TRNAU1AP: variants seen among roughly 807,000 people sequenced by gnomAD.
The protein encoded by TRNAU1AP is tRNA selenocysteine 1 associated protein 1.
In TRNAU1AP, 33 loss-of-function variants were observed where a neutral mutation model predicts 43.3. The observed-to-expected ratio is 0.76, with a 90% confidence interval of 0.58 to 1.02. TRNAU1AP has a LOEUF of 1.02. Among genes scored for constraint, TRNAU1AP ranks in the 50% least tolerant of loss-of-function variants. TRNAU1AP has a pLI of 0.00. For synonymous variants in TRNAU1AP, 143 were observed against 129.1 expected, an observed-to-expected ratio of 1.11 and a Z score of -0.73; for missense variants, 290 against 362.7, an observed-to-expected ratio of 0.80 and a Z score of 1.63.
At chr1:28,561,038 C>T in intron 3 of TRNAU1AP, 1 of 1,346,742 alleles carries the variant, frequency 7.4e-7, no homozygotes, top group Non-Finnish European at 9.5e-7. Context: ...GACCTCTTGC[C>T]TGATTGGGAA....
rs1665658009 is a variant in TRNAU1AP at position 28,571,347 on chromosome 1, G to T, written c.693+9G>T. 6.2e-7 allele frequency: 1 copy of T among 1,613,656 alleles called. No homozygotes were observed. The highest frequency in any genetic ancestry group is 1.1e-5 in the South Asian group (1 of 91,044). ...CCCAGAGCACCATGCAGGTAACCAT[G>T]ACTTGGCAAGACTGGTCCCCTTGGG... On this transcript the variant is annotated intron_variant, in intron 7 of 8. Transcript: ENST00000373830.
chr1:28,553,326 C>A, intron 1 of TRNAU1AP, 189 bp downstream of exon 1: 1 of 748,412 alleles, frequency 1.3e-6, no homozygotes, highest in Non-Finnish European at 2.2e-6. Context: ...GGCTAGGGGT[C>A]CTGGGGCCCC....
chr1:28,573,833 A>G (rs1047092054), intron 8 of TRNAU1AP, among the ~76,000 whole-genome samples: 55 of 150,948 alleles, frequency 3.6e-4, no homozygotes, highest in Non-Finnish European at 6.9e-4. Context: ...GCTCCTTGGG[A>G]GGCTGAAGCA....
chr1:28,576,320 ATTT>A (rs879631148), intron 8 of TRNAU1AP, among the ~76,000 whole-genome samples: 4 of 137,868 alleles, frequency 2.9e-5, no homozygotes, highest in Non-Finnish European at 3.2e-5. Context: ...TGCCCAGCTA[ATTT>A]TTTTTTTTTT....
chr1:28,561,811 T>A (rs570817338), intron 4 of TRNAU1AP, among the ~76,000 whole-genome samples: 1 of 151,614 alleles, frequency 6.6e-6, no homozygotes, highest in African/African-American at 2.4e-5. Flanking sequence ...GGTGGCTCAC[T>A]CCTATAATCC....
rs1373794226 is a variant in TRNAU1AP at position 28,563,162 on chromosome 1, G to A, written c.279-1541G>A. Among the ~76,000 whole-genome samples the A allele has an allele frequency of 3.3e-5, 5 of 151,814 alleles. No homozygotes were observed. The East Asian group carries it at 9.8e-4, about 30-fold the overall frequency. On this transcript the variant is annotated intron_variant, in intron 4 of 8. Transcript: ENST00000373830. The stretch of plus-strand genomic sequence containing the variant: ...ACCTGCTTCGGTCTCCCAAAGTGCT[G>A]GGATTACAGGCATGAGCCACTGCGC...
chr1:28,556,403 G>A (rs1665265071), intron 2 of TRNAU1AP, among the ~76,000 whole-genome samples: 1 of 151,636 alleles, frequency 6.6e-6, no homozygotes, highest in East Asian at 2.0e-4. Context: ...GGTAGAGGTT[G>A]CAGTGAGCCG....
intron 5 of TRNAU1AP, among the ~76,000 whole-genome samples, chr1:28,566,171 C>G (rs1332083538): frequency 1.3e-5 from 2 of 151,290 alleles, no homozygotes; most frequent in African/African-American, 2.4e-5. Context: ...AAAAATTAAC[C>G]AGGCATGGTG....
rs548347794 is a variant in TRNAU1AP, at chr1:28,560,688, T to C, written c.181T>C (p.Cys61Arg). The change falls in exon 3 of 9, where the codon TGT (cysteine) becomes CGT (arginine). Residue 61 changes from cysteine to arginine, a missense_variant. This residue lies in a region of TRNAU1AP where 174 missense variants were observed against 262.1 expected (regional missense o/e 0.66). Transcript: ENST00000373830. ...EFADLATAEK[C>R]LHKINGKPLP... Reference sequence around the variant, plus strand: ...TGCAGATTTGGCCACAGCTGAGAAGTGTTTGCATAAAATTAATGGGAAACC... The same window carrying C: ...TGCAGATTTGGCCACAGCTGAGAAGCGTTTGCATAAAATTAATGGGAAACC... 1 of 1,614,194 alleles carries C rather than the reference T, an allele frequency of 6.2e-7. No homozygotes were observed. Among genetic ancestry groups the C allele is most frequent in the East Asian group, 2.2e-5 (1 of 44,890 alleles).
intron 5 of TRNAU1AP, among the ~76,000 whole-genome samples, chr1:28,566,569 G>A (rs987121592): frequency 6.6e-6 from 1 of 151,724 alleles, no homozygotes; most frequent in East Asian, 1.9e-4. Context: ...TGGCTAACAC[G>A]GTGAAACCCT....
chr1:28,571,390 A>C, intron 7 of TRNAU1AP, 52 bp downstream of exon 7: 1 of 1,588,584 alleles, frequency 6.3e-7, no homozygotes, highest in Non-Finnish European at 8.6e-7. Flanking sequence ...TCTCCTCTAG[A>C]AACAGGTCAT....
At chr1:28,553,507 A>C (rs1337437177) in intron 1 of TRNAU1AP, 133 bp from the exon 2 acceptor site, 5 of 804,252 alleles carry the variant, frequency 6.2e-6, no homozygotes, top group Non-Finnish European at 1.0e-5. Context: ...CAGGCCGCTC[A>C]GTGGAGGCGA....
chr1:28,571,608 C>T (rs1460315838), intron 7 of TRNAU1AP, among the ~76,000 whole-genome samples: 1 of 151,954 alleles, frequency 6.6e-6, no homozygotes, highest in Non-Finnish European at 1.5e-5. Flanking sequence ...ATGGTGAAAC[C>T]CTGTATCTAC....
chr1:28,555,281 T>C (rs1186004471), intron 2 of TRNAU1AP, among the ~76,000 whole-genome samples: 1 of 152,086 alleles, frequency 6.6e-6, no homozygotes, highest in Admixed American at 6.6e-5. Flanking sequence ...TCTACTGTTA[T>C]ACATTCCTGG....
intron 2 of TRNAU1AP, among the ~76,000 whole-genome samples, chr1:28,559,632 C>T (rs1665360627): frequency 6.6e-6 from 1 of 151,828 alleles, no homozygotes; most frequent in South Asian, 2.1e-4. Flanking sequence ...TGCACTCCAG[C>T]CTGGGCAACA....
intron 4 of TRNAU1AP, among the ~76,000 whole-genome samples, chr1:28,562,561 T>TTTA (rs1665434347): frequency 6.6e-6 from 1 of 152,066 alleles, no homozygotes. Context: ...TTATAGCAAT[T>TTTA]TTATTTTTCT....
chr1:28,564,593 A>G (rs1031604658), intron 4 of TRNAU1AP, 110 bp from the exon 5 acceptor site: 1 of 1,372,728 alleles, frequency 7.3e-7, no homozygotes, highest in Non-Finnish European at 9.9e-7. Context: ...AGACCCATCA[A>G]ATGTTTTCCT....
At chr1:28,559,730 T>C (rs1665363521) in intron 2 of TRNAU1AP, among the ~76,000 whole-genome samples, 1 of 152,212 alleles carries the variant, frequency 6.6e-6, no homozygotes, top group African/African-American at 2.4e-5. Flanking sequence ...AGTCTATCTC[T>C]AAAATTTCCT....
Position 28,577,408 on chromosome 1 carries a change from C to T in TRNAU1AP, c.728-92C>T. ...AGAAACTGGCAGGATAGGGACCTTA[C>T]CATAGAACAGAGTTCTGGGAGAAGG... is the stretch of plus-strand genomic sequence containing the variant. On this transcript the variant is annotated intron_variant, in intron 8 of 8. Coordinates refer to ENST00000373830, the MANE Select transcript of TRNAU1AP (RefSeq NM_017846.5). 6 of 1,438,974 alleles carry T rather than the reference C, an allele frequency of 4.2e-6. No individual in the cohort carries two copies. In the Middle Eastern group the frequency reaches 1.2e-3, roughly 299 times the overall value. The allele number at this position is 1,438,974 out of a possible 1,614,324, so 89.1% of individuals were successfully genotyped here.
Sources: allele counts gnomAD v4.1 joint callset (sites outside exome capture counted in the v4.1 genomes callset), GRCh38; gene constraint gnomAD v4.1.1; regional missense constraint gnomAD v4.1.1; transcripts MANE v1.5; gene names NCBI Gene and HGNC (gene_info 2026-07-23, HGNC 2026-07-21).